The following MMP27 variants were observed in gnomAD, a reference collection of about 807,000 sequenced individuals.
MMP27 encodes matrix metalloproteinase-27.
In MMP27, 51 loss-of-function variants were observed where a neutral mutation model predicts 48.1. That is an observed-to-expected ratio of 1.06 (90% CI 0.85 to 1.34). The LOEUF is 1.34. Ranked by LOEUF, MMP27 falls within the 40% of genes most tolerant of loss-of-function variation. MMP27 has a pLI of 0.00. For synonymous variants in MMP27, 229 were observed against 208.9 expected, an observed-to-expected ratio of 1.10 and a Z score of -0.83; for missense variants, 698 against 619.3, an observed-to-expected ratio of 1.13 and a Z score of -1.35.
Position 102,704,791 on chromosome 11 carries a change from AG to A in MMP27, c.103-17del. 7 of 1,507,700 alleles carry A rather than the reference AG, an allele frequency of 4.6e-6. No individual in the cohort carries two copies. Among genetic ancestry groups the A allele is most frequent in the Admixed American group, 1.8e-5 (1 of 54,264 alleles). 93.4% of individuals were successfully genotyped at this position (1,507,700 alleles called of 1,614,324 possible). A position where few individuals can be genotyped will look rare whatever the true frequency, so the allele number is the denominator to read the frequency against. On this transcript the variant is annotated splice_polypyrimidine_tract_variant and intron_variant, in intron 1 of 9. Coordinates refer to ENST00000260229, the MANE Select transcript of MMP27 (RefSeq NM_022122.3). ...TGAGATATGCCTGACCAAAAAGATAAGAAAAAAAAAAAAGAGGCACAGACTA... is the reference window on the plus strand; with the variant it reads ...TGAGATATGCCTGACCAAAAAGATAAAAAAAAAAAAAAGAGGCACAGACTA...
Position 102,705,706 on chromosome 11 carries a change from G to A in MMP27, c.9C>T (p.Arg3=). 2 of 1,604,974 alleles carry A rather than the reference G, an allele frequency of 1.2e-6. No homozygotes were observed. The highest frequency in any genetic ancestry group is 1.3e-5 in the African/African-American group (1 of 74,386). Residue 3 remains arginine, a synonymous_variant, in exon 1 of 10, where the codon CGC becomes CGT. Coordinates refer to ENST00000260229, the MANE Select transcript of MMP27 (RefSeq NM_022122.3). ...TAAAGAACAAAAACAGAAGCAGAAG[G>A]CGCTTCATTCCTCTCTTTCTTCAGC... is the stretch of plus-strand genomic sequence containing the variant. MK[R]LLLLFLFFIT...
chr11:102,694,670 A>T (rs1259513865), intron 7 of MMP27, among the ~76,000 whole-genome samples: 1 of 152,180 alleles, frequency 6.6e-6, no homozygotes, highest in Non-Finnish European at 1.5e-5. Flanking sequence ...AAATCTGGCA[A>T]CCTTAGTAAA....
At chr11:102,698,610 T>A (rs1860878303) in intron 4 of MMP27, among the ~76,000 whole-genome samples, 2 of 152,222 alleles carry the variant, frequency 1.3e-5, no homozygotes, top group South Asian at 4.1e-4. Context: ...TGACCTTCCA[T>A]GGTCTAGTCC....
In MMP27 at chr11:102,698,070, T is replaced by C. The variant is rs76506498; in HGVS notation, c.620-1235A>G. ...GTTTTACAGTTACCTATTCTTTCTT[T>C]CTTTCTTTTTTTTTGTACAAGTAGG... On this transcript the variant is annotated intron_variant, in intron 4 of 9. Transcript: ENST00000260229. Among the ~76,000 whole-genome samples, 248 of 152,262 alleles carry C rather than the reference T, an allele frequency of 1.6e-3. 4 individuals are homozygous for C. In the East Asian group the frequency reaches 0.041, roughly 25 times the overall value.
Position 102,702,896 on chromosome 11 carries a change from A to G in MMP27, c.491-15T>C. The stretch of plus-strand genomic sequence containing the variant: ...CCGACCATGGACTGAGATACAATTT[A>G]TGCGAGGAAAAAAGATCAGCTTCCT... On this transcript the variant is annotated splice_polypyrimidine_tract_variant and intron_variant, in intron 3 of 9. Coordinates refer to ENST00000260229, the MANE Select transcript of MMP27 (RefSeq NM_022122.3). The G allele has an allele frequency of 1.2e-6, 2 of 1,612,660 alleles. No homozygotes were observed. The highest frequency in any genetic ancestry group is 1.7e-6 in the Non-Finnish European group (2 of 1,179,510).
chr11:102,696,326 A>G (rs750782459), intron 6 of MMP27, 45 bp downstream of exon 6: 2 of 1,604,340 alleles, frequency 1.2e-6, no homozygotes, highest in Non-Finnish European at 8.5e-7. Context: ...TCTTGAAAAG[A>G]AAAATCTTCA....
In MMP27 at chr11:102,702,744, T is replaced by C. The variant is rs935050705; in HGVS notation, c.619+9A>G. 3 of 1,586,450 alleles carry C rather than the reference T, an allele frequency of 1.9e-6. No homozygotes were observed. Among genetic ancestry groups the C allele is most frequent in the Admixed American group, 3.9e-5 (2 of 50,826 alleles). On this transcript the variant is annotated intron_variant, in intron 4 of 9. Coordinates refer to ENST00000260229, the MANE Select transcript of MMP27 (RefSeq NM_022122.3). ...ATAAGATTTTGTTCATAAAGAAAAT[T>C]AGACTCACCTGCTCCATCCTTGGTC...
intron 5 of MMP27, 82 bp downstream of exon 5, chr11:102,696,592 T>G: frequency 3.8e-6 from 6 of 1,565,928 alleles, no homozygotes; most frequent in Non-Finnish European, 5.2e-6. Context: ...ATGATAATAT[T>G]TCAAGAAGTG....
intron 2 of MMP27, 82 bp from the exon 3 acceptor site, chr11:102,703,200 CT>C: frequency 7.6e-7 from 1 of 1,319,970 alleles, no homozygotes; most frequent in Non-Finnish European, 1.0e-6. Flanking sequence ...ACATTTCTAG[CT>C]TATCAATAAT....
intron 4 of MMP27, among the ~76,000 whole-genome samples, chr11:102,701,378 G>A (rs1015747660): frequency 1.3e-5 from 2 of 152,194 alleles, no homozygotes; most frequent in African/African-American, 2.4e-5. Flanking sequence ...CTGCTACTTA[G>A]CATTGGATTT....
intron 2 of MMP27, among the ~76,000 whole-genome samples, chr11:102,703,900 G>T (rs112370417): frequency 3.9e-5 from 6 of 152,296 alleles, no homozygotes; most frequent in African/African-American, 1.2e-4. Flanking sequence ...TGCCTATCTT[G>T]CTAAATTCAT....
chr11:102,698,922 G>A (rs930930777), intron 4 of MMP27, among the ~76,000 whole-genome samples: 7 of 152,264 alleles, frequency 4.6e-5, no homozygotes, highest in Non-Finnish European at 7.4e-5. Flanking sequence ...GTCATAGCCC[G>A]TAAGGACTGC....
At chr11:102,702,064 C>T (rs1177729978) in intron 4 of MMP27, among the ~76,000 whole-genome samples, 7 of 152,188 alleles carry the variant, frequency 4.6e-5, no homozygotes. Context: ...TACATTGCTA[C>T]CTGTTAATAT....
At position 102,696,474 on chromosome 11, in the gene MMP27, G is replaced by A; in HGVS notation, c.799C>T (p.Pro267Ser). ...ATAGTGGGTTCCTTTGGCTTAGCAG[G>A]TTCCTTAGGCAGACCTCCTTTGATG... ...QSIYGGLPKE[P>S]AKPKEPTIPH... Residue 267 changes from proline (P) to serine (S), a missense_variant, in exon 6 of 10, where the codon CCT becomes TCT. Transcript: ENST00000260229. The A allele has an allele frequency of 1.9e-6, 3 of 1,613,586 alleles. No homozygotes were observed. Among genetic ancestry groups the A allele is most frequent in the East Asian group, 2.2e-5 (1 of 44,850 alleles).
At chr11:102,702,407 G>T (rs1338168241) in intron 4 of MMP27, among the ~76,000 whole-genome samples, 1 of 152,214 alleles carries the variant, frequency 6.6e-6, no homozygotes, top group Non-Finnish European at 1.5e-5. Context: ...AGGTATGTGG[G>T]CTGGCCTTGT....
chr11:102,695,234 A>G, intron 6 of MMP27, 137 bp from the exon 7 acceptor site: 1 of 1,023,288 alleles, frequency 9.8e-7, no homozygotes, highest in South Asian at 1.6e-5. Flanking sequence ...AATTTTCCCC[A>G]GTAAATTTAG....
Position 102,691,674 on chromosome 11 carries a change from C to G in MMP27, c.*92G>C. The G allele has an allele frequency of 2.6e-6, 3 of 1,160,906 alleles. No homozygotes were observed. The highest frequency in any genetic ancestry group is 2.4e-6 in the Non-Finnish European group (2 of 844,786). 71.9% of individuals were successfully genotyped at this position (1,160,906 alleles called of 1,614,324 possible). A position where few individuals can be genotyped will look rare whatever the true frequency, so the allele number is the denominator to read the frequency against. On this transcript the variant is annotated 3_prime_UTR_variant, in exon 10 of 10. Transcript: ENST00000260229. ...TGAATTTGGATATTTAGAACTAGGA[C>G]CAGCAACTTGTTGTTAAAGAATGGT...
intron 7 of MMP27, among the ~76,000 whole-genome samples, chr11:102,694,545 C>G (rs1276287): frequency 0.42 from 63,422 of 151,908 alleles, 14,031 homozygotes; most frequent in East Asian, 0.61. Context: ...TTCAAGTAAA[C>G]AATGACTAAC....
intron 4 of MMP27, among the ~76,000 whole-genome samples, chr11:102,702,028 T>C (rs1444916950): frequency 1.3e-5 from 2 of 152,360 alleles, no homozygotes; most frequent in South Asian, 2.1e-4. Flanking sequence ...CAAAAATCTA[T>C]TGAGCTTGCT....
Sources: allele counts gnomAD v4.1 joint callset (sites outside exome capture counted in the v4.1 genomes callset), GRCh38; gene constraint gnomAD v4.1.1; transcripts MANE v1.5; gene names NCBI Gene and HGNC (gene_info 2026-07-23, HGNC 2026-07-21).